The following RGS6 variants were observed in gnomAD, a reference collection of about 807,000 sequenced individuals.
RGS6 encodes regulator of G-protein signaling 6.
A neutral mutation model predicts 78.5 loss-of-function variants in RGS6; 30 were observed. The ratio of observed to expected loss-of-function variants is 0.38; its 90% CI spans 0.29 to 0.52. The LOEUF is 0.52. Ranked by LOEUF, RGS6 falls within the 20% of genes least tolerant of loss-of-function variation. RGS6 has a pLI of 0.85. For missense variants in RGS6, 495 were observed against 609.7 expected, an observed-to-expected ratio of 0.81 and a Z score of 1.98; for synonymous variants, 206 against 206.0, an observed-to-expected ratio of 1.00 and a Z score of 0.00.
chr14:72,284,874 G>A (rs1321711112), intron 2 of RGS6, among the ~76,000 whole-genome samples: 1 of 152,218 alleles, frequency 6.6e-6, no homozygotes, highest in Non-Finnish European at 1.5e-5. Flanking sequence ...CCCACCTCTT[G>A]CATCGGCGTG....
rs2043573888 is a variant in RGS6, at chr14:72,209,683, C to A, written c.85-142412C>A. Among the ~76,000 whole-genome samples, 4 of 152,146 alleles carry A rather than the reference C, an allele frequency of 2.6e-5. No homozygotes were observed. In the South Asian group the frequency reaches 8.3e-4, roughly 32 times the overall value. ...TGGCCAGGAGAAAAGCACTGAGTAGCCTCACTCCAGAAGGATTTTTTGTGC... is the reference window on the plus strand; with the variant it reads ...TGGCCAGGAGAAAAGCACTGAGTAGACTCACTCCAGAAGGATTTTTTGTGC... On this transcript the variant is annotated intron_variant, in intron 2 of 17. Transcript: ENST00000553525.
intron 2 of RGS6, among the ~76,000 whole-genome samples, chr14:72,237,838 G>C (rs1404652170): frequency 6.6e-6 from 1 of 152,104 alleles, no homozygotes; most frequent in Non-Finnish European, 1.5e-5. Flanking sequence ...GGTTGTCTGC[G>C]ACCTCTGGAG....
At chr14:71,885,673 G>A in the RGS6 span, among the ~76,000 whole-genome samples, 3 of 152,176 alleles carry the variant, frequency 2.0e-5, no homozygotes, top group Admixed American at 2.0e-4. Context: ...ATAAACAAGG[G>A]CTGCAAAATT....
chr14:72,009,951 A>G (rs550894868), intron 2 of RGS6, among the ~76,000 whole-genome samples: 2 of 152,360 alleles, frequency 1.3e-5, no homozygotes, highest in African/African-American at 4.8e-5. Flanking sequence ...ATTATGAAGC[A>G]GGCTTACTCT....
intron 3 of RGS6, among the ~76,000 whole-genome samples, chr14:72,370,062 C>G (rs1432141268): frequency 6.6e-6 from 1 of 151,246 alleles, no homozygotes; most frequent in African/African-American, 2.4e-5. Context: ...TTTATATAAT[C>G]AAAATTGATT....
intron 2 of RGS6, among the ~76,000 whole-genome samples, chr14:72,300,761 G>C (rs753766605): frequency 2.0e-5 from 3 of 152,178 alleles, no homozygotes; most frequent in Non-Finnish European, 4.4e-5. Flanking sequence ...CTTGGCGGTG[G>C]TCAGTAAATG....
intron 17 of RGS6, among the ~76,000 whole-genome samples, chr14:72,543,457 A>G (rs903164408): frequency 1.4e-4 from 22 of 152,194 alleles, no homozygotes; most frequent in African/African-American, 5.3e-4. Context: ...AATCCTGCTC[A>G]TGGGGAAGCT....
rs553459123 is a variant in RGS6, at chr14:72,411,779, G to A, written c.185-42749G>A. ...TTATTGAAAGTTTTTAGCATGAAGC[G>A]TTGTTGAATTTTGTCAAAGGCCTTT... is the stretch of plus-strand genomic sequence containing the variant. On this transcript the variant is annotated intron_variant, in intron 3 of 17. Transcript: ENST00000553525. Among the ~76,000 whole-genome samples the A allele has an allele frequency of 1.6e-4, 24 of 152,264 alleles. No individual in the cohort carries two copies. The East Asian group carries it at 1.7e-3, about 11-fold the overall frequency.
chr14:71,986,294 A>T (rs1037160178), intron 2 of RGS6, among the ~76,000 whole-genome samples: 2 of 152,168 alleles, frequency 1.3e-5, no homozygotes, highest in African/African-American at 4.8e-5. Context: ...CTTAGATGTA[A>T]TGAGATTCAG....
chr14:72,321,502 A>T (rs4899432), intron 2 of RGS6, among the ~76,000 whole-genome samples: 8,354 of 152,120 alleles, frequency 0.055, 355 homozygotes, highest in East Asian at 0.26. Context: ...AAATAGAAGG[A>T]TGAGCAAAGG....
intron 2 of RGS6, among the ~76,000 whole-genome samples, chr14:72,319,903 C>G (rs1434665378): frequency 6.6e-6 from 1 of 152,146 alleles, no homozygotes; most frequent in African/African-American, 2.4e-5. Context: ...TTCTACGTAA[C>G]TTTCAATAAA....
the RGS6 span, chr14:72,619,967 G>A: frequency 2.6e-4 from 400 of 1,534,548 alleles, no homozygotes; most frequent in African/African-American, 1.1e-3. Context: ...CACAGTCATC[G>A]CAGAAGAGTA....
chr14:72,014,429 T>C (rs2086525448), intron 2 of RGS6, among the ~76,000 whole-genome samples: 1 of 152,204 alleles, frequency 6.6e-6, no homozygotes, highest in African/African-American at 2.4e-5. Context: ...CTTGTGAATA[T>C]TTTTGAGTCT....
intron 2 of RGS6, among the ~76,000 whole-genome samples, chr14:72,012,352 T>C (rs2085949889): frequency 1.3e-5 from 2 of 152,256 alleles, no homozygotes; most frequent in Admixed American, 1.3e-4. Context: ...GGAAAGATCA[T>C]GATGTATTTA....
intron 5 of RGS6, among the ~76,000 whole-genome samples, chr14:72,459,362 C>G (rs2095715693): frequency 6.6e-6 from 1 of 152,298 alleles, no homozygotes; most frequent in African/African-American, 2.4e-5. Flanking sequence ...GTACTTAGAC[C>G]TCTATTGTCT....
At chr14:72,378,414 A>G (rs1232636189) in intron 3 of RGS6, among the ~76,000 whole-genome samples, 2 of 152,138 alleles carry the variant, frequency 1.3e-5, no homozygotes, top group Non-Finnish European at 2.9e-5. Context: ...AATGAAATAA[A>G]AAGTTGGTTT....
chr14:71,885,135 C>T, the RGS6 span, among the ~76,000 whole-genome samples: 1 of 152,180 alleles, frequency 6.6e-6, no homozygotes, highest in Admixed American at 6.5e-5. Flanking sequence ...GAACCCTGTC[C>T]ATTCTTCCAA....
At chr14:72,554,098 G>A (rs2097540251) in intron 17 of RGS6, among the ~76,000 whole-genome samples, 1 of 152,244 alleles carries the variant, frequency 6.6e-6, no homozygotes, top group Non-Finnish European at 1.5e-5. Context: ...ATTCCTGATA[G>A]TGGGGAAGAA....
chr14:71,977,760 C>T (rs1400336220), intron 2 of RGS6, among the ~76,000 whole-genome samples: 10 of 151,562 alleles, frequency 6.6e-5, no homozygotes, highest in African/African-American at 2.4e-4. Flanking sequence ...TTTTTTGGTT[C>T]CATATGAACT....
Sources: gnomAD v4.1 joint callset for allele counts (sites outside exome capture counted in the v4.1 genomes callset) on GRCh38, gnomAD v4.1.1 for gene constraint, MANE v1.5 for transcripts, NCBI Gene and HGNC (gene_info 2026-07-23, HGNC 2026-07-21) for gene names.